TYMP: variants seen among roughly 807,000 people sequenced by gnomAD.
TYMP encodes gliostatin.
Under a neutral mutation model 42.3 loss-of-function variants are expected in TYMP, and 46 were observed. That is an observed-to-expected ratio of 1.09 (90% CI 0.86 to 1.39). The LOEUF (loss-of-function observed/expected upper bound fraction) is 1.39, where lower values mean the gene tolerates loss of function less well. Ranked by LOEUF, TYMP falls within the 40% of genes most tolerant of loss-of-function variation. The pLI, the probability that TYMP is intolerant of heterozygous loss-of-function variation, is 0.00. For synonymous variants in TYMP, 363 were observed against 308.0 expected (o/e 1.18, Z -1.87); for missense variants, 837 against 677.6 (o/e 1.24, Z -2.61).
intron 4 of TYMP, chr22:50,528,046 C>G (rs1334384013): frequency 2.4e-6 from 1 of 408,326 alleles, no homozygotes; most frequent in Non-Finnish European, 4.6e-6. Context: ...GGGTCTCACT[C>G]TGTTGCCCAG....
Position 50,527,681 on chromosome 22 carries a change from C to T in TYMP, c.553G>A (p.Val185Met). Reference protein sequence around the residue: ...VLLDQAGCCIVGQSEQLVPAD... With the variant: ...VLLDQAGCCIMGQSEQLVPAD... ...GGAACCAGCTGCTCACTCTGACCCA[C>T]GATACAGCAGCCCGCCTGGTCCAGC... The change falls in exon 5 of 10, where the codon GTG becomes ATG. Residue 185 changes from valine (V) to methionine (M), a missense_variant. Physicochemically the swap from Val to Met is conservative, Grantham distance 21 (BLOSUM62 1). Coordinates refer to ENST00000252029, the MANE Select transcript of TYMP (RefSeq NM_001953.5). 1 of 1,613,764 alleles carries T rather than the reference C, an allele frequency of 6.2e-7. No homozygotes were observed. Among genetic ancestry groups the T allele is most frequent in the Non-Finnish European group, 8.5e-7 (1 of 1,179,974 alleles).
chr22:50,526,877 G>C, intron 6 of TYMP, 139 bp from the exon 7 acceptor site: 1 of 921,660 alleles, frequency 1.1e-6, no homozygotes, highest in Non-Finnish European at 1.6e-6. Flanking sequence ...GTGGGGAAGA[G>C]ACACGAGTGA....
intron 4 of TYMP, chr22:50,528,297 G>T (rs2069468135): frequency 4.8e-6 from 3 of 623,112 alleles, no homozygotes; most frequent in Non-Finnish European, 8.8e-6. Context: ...GAGCCACCGT[G>T]CCCCGCCAGC....
At chr22:50,528,875 G>A (rs2069486886) in intron 3 of TYMP, 2 of 612,952 alleles carry the variant, frequency 3.3e-6, no homozygotes, top group Admixed American at 5.5e-5. Flanking sequence ...GAGCTGTCTG[G>A]GGACCCAAGG....
chr22:50,529,740 T>TCCGGGGTCTGCGGCCTC, intron 1 of TYMP, 21 bp from the exon 2 acceptor site: 1 of 1,586,098 alleles, frequency 6.3e-7, no homozygotes, highest in Non-Finnish European at 8.6e-7. Flanking sequence ...GCCTGACACG[T>TCCGGGGTCTGCGGCCTC]CCGGGGTCTG....
At position 50,526,737 on chromosome 22, in the gene TYMP, A is replaced by T. The variant is rs750933965; in HGVS notation, c.767T>A (p.Val256Asp). The T allele has an allele frequency of 3.3e-6, 5 of 1,535,542 alleles. No individual in the cohort carries two copies. Among genetic ancestry groups the T allele is most frequent in the Non-Finnish European group, 4.4e-6 (5 of 1,146,378 alleles). Residue 256 changes from valine to aspartate, a missense_variant and splice_region_variant, in exon 7 of 10, where the codon GTT (valine) becomes GAT (aspartate). Val to Asp is a radical substitution (Grantham distance 152, BLOSUM62 -3). Coordinates refer to ENST00000252029, the MANE Select transcript of TYMP (RefSeq NM_001953.5). ...EQARELAKTL[V>D]GVGASLGLRV... Reference sequence around the variant, plus strand: ...AAGCCCTAGGCTGGCTCCCACGCCAACCTGCGGAGAGGAGGCTCAGCGTGG... The same window carrying T: ...AAGCCCTAGGCTGGCTCCCACGCCATCCTGCGGAGAGGAGGCTCAGCGTGG...
rs1297802899 is a variant in TYMP at position 50,525,928 on chromosome 22, G to A, written c.1301-10C>T. ...CGGAGCCAGGGGGTCCCTGCAGAGC[G>A]AGGGGCTGTTAGAGGCCGCGCGGCC... On this transcript the variant is annotated splice_polypyrimidine_tract_variant and intron_variant, in intron 9 of 9. Transcript: ENST00000252029. The A allele has an allele frequency of 1.3e-6, 2 of 1,489,734 alleles. No homozygotes were observed. The highest frequency in any genetic ancestry group is 1.8e-6 in the Non-Finnish European group (2 of 1,124,032). 92.3% of individuals were successfully genotyped at this position (1,489,734 alleles called of 1,614,324 possible). A position where few individuals can be genotyped will look rare whatever the true frequency, so the allele number is the denominator to read the frequency against.
At chr22:50,527,114 A>G (rs1266953686) in intron 6 of TYMP, 51 bp downstream of exon 6, 1 of 1,438,772 alleles carries the variant, frequency 7.0e-7, no homozygotes, top group African/African-American at 1.4e-5. Flanking sequence ...GGTGAAGGGT[A>G]GGCTGGGCCC....
chr22:50,527,857 C>G, intron 4 of TYMP, 140 bp from the exon 5 acceptor site: 1 of 1,040,902 alleles, frequency 9.6e-7, no homozygotes, highest in Admixed American at 2.3e-5. Flanking sequence ...CTCATTGTGA[C>G]CTCTGCCTCC....
intron 2 of TYMP, 40 bp from the exon 3 acceptor site, chr22:50,529,378 C>T (rs1201301388): frequency 1.6e-5 from 26 of 1,608,904 alleles, no homozygotes; most frequent in South Asian, 2.2e-5. Flanking sequence ...CAGCCCACAG[C>T]GGTGGGGCAC....
chr22:50,526,911 C>T (rs1220313259), intron 6 of TYMP, among the ~76,000 whole-genome samples, 173 bp from the exon 7 acceptor site: 2 of 152,206 alleles, frequency 1.3e-5, no homozygotes, highest in Non-Finnish European at 2.9e-5. Context: ...GCCATGGGGC[C>T]AGGAGGAACT....
At chr22:50,526,203 G>T (rs2069363569) in intron 8 of TYMP, 43 bp downstream of exon 8, 1 of 1,489,828 alleles carries the variant, frequency 6.7e-7, no homozygotes, top group Non-Finnish European at 8.9e-7. Flanking sequence ...GGAAGGGAAG[G>T]GGATGGCGGA....
In TYMP at chr22:50,529,533, G is replaced by C. The variant is rs137930991; in HGVS notation, c.177C>G (p.Ala59=). The change falls in exon 2 of 10, where the codon GCC becomes GCG. Residue 59 remains alanine (A), a synonymous_variant. Transcript: ENST00000252029. ...LSEADIRGFV[A]AVVNGSAQGA... is the part of the protein sequence containing the mutation. ...CCTGCGCGCTCCCATTCACCACAGC[G>C]GCCACGAAGCCCCTGATGTCCGCTT... 1 of 1,613,074 alleles carries C rather than the reference G, an allele frequency of 6.2e-7. No individual in the cohort carries two copies. Among genetic ancestry groups the C allele is most frequent in the Non-Finnish European group, 8.5e-7 (1 of 1,179,932 alleles).
chr22:50,527,210 G>A lies in TYMP; in HGVS notation c.720C>T (p.Ala240=). The change falls in exon 6 of 10, where the codon GCC becomes GCT. Residue 240 remains alanine (A), a synonymous_variant. Transcript: ENST00000252029. ...LVVDVKFGGA[A]VFPNQEQARE... is the part of the protein sequence containing the mutation. ...GGGCCTGCTCCTGGTTGGGGAAGAC[G>A]GCGGCCCCTCCGAACTTAACGTCCA... is the stretch of plus-strand genomic sequence containing the variant. 1 of 1,613,530 alleles carries A rather than the reference G, an allele frequency of 6.2e-7. No homozygotes were observed. Among genetic ancestry groups the A allele is most frequent in the Non-Finnish European group, 8.5e-7 (1 of 1,180,012 alleles).
In TYMP at chr22:50,529,746, G is replaced by A. The variant is rs759035831; in HGVS notation, c.-10-27C>T. 5 of 1,577,824 alleles carry A rather than the reference G, an allele frequency of 3.2e-6. No individual in the cohort carries two copies. The Admixed American group carries it at 5.4e-5, about 17-fold the overall frequency. Reference sequence around the variant, plus strand: ...TGCGGGGATGCCTGACACGTCCGGGGTCTGCGGCCTCCCGGCGTCGGTGTC... The same window carrying A: ...TGCGGGGATGCCTGACACGTCCGGGATCTGCGGCCTCCCGGCGTCGGTGTC... On this transcript the variant is annotated intron_variant, in intron 1 of 9. Coordinates refer to ENST00000252029, the MANE Select transcript of TYMP (RefSeq NM_001953.5).
chr22:50,526,353 C>G lies in TYMP; in HGVS notation c.1052G>C (p.Gly351Ala). Residue 351 changes from glycine (G) to alanine (A), a missense_variant, in exon 8 of 10, where the codon GGC becomes GCC. By Grantham distance (60) the Gly-to-Ala change is moderately conservative (BLOSUM62 0). Transcript: ENST00000252029. ...GGCTCGGGCCAGACCGGGATCCACGCCCTGCGCCGCCAGCATCCGCTCGAA... is the reference window on the plus strand; with the variant it reads ...GGCTCGGGCCAGACCGGGATCCACGGCCTGCGCCGCCAGCATCCGCTCGAA... ...GRFERMLAAQ[G>A]VDPGLARALC... The G allele has an allele frequency of 1.3e-6, 2 of 1,550,812 alleles. No individual in the cohort carries two copies. The highest frequency in any genetic ancestry group is 2.5e-5 in the East Asian group (1 of 40,156).
Position 50,525,773 on chromosome 22 carries a change from T to G in TYMP, c.1446A>C (p.Gln482His), listed in dbSNP as rs771864603. Residue 482 changes from glutamine (Q) to histidine (H), a missense_variant, in exon 10 of 10, where the codon CAA becomes CAC. Transcript: ENST00000252029. ...PFAELVLPPQQ is the reference protein window; with the variant it reads ...PFAELVLPPQH ...AAGGTTTCGCGGCAAAGGAGCTTTA[T>G]TGCTGCGGCGGCAGAACGAGCTCTG... 1 of 1,610,704 alleles carries G rather than the reference T, an allele frequency of 6.2e-7. No homozygotes were observed. Among genetic ancestry groups the G allele is most frequent in the African/African-American group, 1.3e-5 (1 of 74,858 alleles).
chr22:50,528,326 A>G (rs553714318), intron 4 of TYMP, 186 bp downstream of exon 4: 10 of 672,404 alleles, frequency 1.5e-5, no homozygotes, highest in East Asian at 8.3e-5. Context: ...ATTTTGACCA[A>G]CTTCCCATTT....
At chr22:50,529,391 TG>T (rs1443266431) in intron 2 of TYMP, 53 bp from the exon 3 acceptor site, 1 of 1,607,590 alleles carries the variant, frequency 6.2e-7, no homozygotes, top group Non-Finnish European at 8.5e-7. Flanking sequence ...TGGGGCACCC[TG>T]GGGCCGGTGC....
Sources: allele counts gnomAD v4.1 joint callset (sites outside exome capture counted in the v4.1 genomes callset), GRCh38; gene constraint gnomAD v4.1.1; transcripts MANE v1.5; gene names NCBI Gene and HGNC (gene_info 2026-07-23, HGNC 2026-07-21).